MAD1L1: variants seen among roughly 807,000 people sequenced by gnomAD.
MAD1L1 encodes the protein mitotic spindle assembly checkpoint protein MAD1.
In MAD1L1, 95 loss-of-function variants were observed where a neutral mutation model predicts 96.9. The ratio of observed to expected loss-of-function variants is 0.98; its 90% CI spans 0.83 to 1.16. The LOEUF is 1.16. Among genes scored for constraint, MAD1L1 ranks in the 50% most tolerant of loss-of-function variants. The pLI is 0.00. For synonymous variants in MAD1L1, 473 were observed against 396.6 expected (o/e 1.19, Z -2.29); for missense variants, 1,007 against 954.4 (o/e 1.06, Z -0.73).
chr7:2,034,853 G>C (rs1023600648), intron 12 of MAD1L1, among the ~76,000 whole-genome samples: 1 of 152,322 alleles, frequency 6.6e-6, no homozygotes, highest in Admixed American at 6.5e-5. Context: ...TTTTTCAATG[G>C]CCTCTTTATA....
chr7:1,917,007 T>C (rs1037811698), intron 17 of MAD1L1, among the ~76,000 whole-genome samples: 2 of 147,812 alleles, frequency 1.4e-5, no homozygotes, highest in Non-Finnish European at 2.9e-5. Flanking sequence ...CATCACAGCA[T>C]CTTGTGACAG....
At chr7:2,044,255 C>A (rs1047938242) in intron 12 of MAD1L1, among the ~76,000 whole-genome samples, 2 of 152,214 alleles carry the variant, frequency 1.3e-5, no homozygotes, top group African/African-American at 4.8e-5. Flanking sequence ...TGTGAGGACA[C>A]GCTGGGACAA....
rs534497024 is a variant in MAD1L1 at position 2,141,541 on chromosome 7, G to A, written c.1073+7611C>T. Among the ~76,000 whole-genome samples the A allele has an allele frequency of 4.7e-3, 720 of 152,322 alleles. 11 individuals carry two copies. Among genetic ancestry groups the A allele is most frequent in the African/African-American group, 0.016 (682 of 41,570 alleles). On this transcript the variant is annotated intron_variant, in intron 11 of 18. Coordinates refer to ENST00000265854, the MANE Select transcript of MAD1L1 (RefSeq NM_001013836.2). Reference sequence around the variant, plus strand: ...ACTTCACTAGCCCTGATCAGGAAAGGACTGGAGGAACAAGAAGGCACCGCA... The same window carrying A: ...ACTTCACTAGCCCTGATCAGGAAAGAACTGGAGGAACAAGAAGGCACCGCA...
intron 18 of MAD1L1, among the ~76,000 whole-genome samples, chr7:1,875,620 CAA>C (rs1785346472): frequency 1.3e-5 from 2 of 152,312 alleles, no homozygotes; most frequent in Non-Finnish European, 2.9e-5. Flanking sequence ...AGGTTCCCAG[CAA>C]AAGAGAAGAC....
At chr7:1,935,042 G>A (rs557057789) in intron 17 of MAD1L1, among the ~76,000 whole-genome samples, 7 of 150,434 alleles carry the variant, frequency 4.7e-5, no homozygotes, top group South Asian at 2.1e-4. Context: ...AACCCGAGAC[G>A]GGCAGAGACC....
intron 17 of MAD1L1, among the ~76,000 whole-genome samples, chr7:1,928,066 T>A (rs987497203): frequency 1.3e-5 from 2 of 151,932 alleles, no homozygotes; most frequent in Non-Finnish European, 2.9e-5. Context: ...ATCACTTCTG[T>A]CTCCAGCACT....
intron 17 of MAD1L1, among the ~76,000 whole-genome samples, chr7:1,906,049 C>CAA (rs10570929): frequency 1.3e-3 from 123 of 91,368 alleles, no homozygotes; most frequent in East Asian, 4.9e-3. Flanking sequence ...GACTCCATCT[C>CAA]AAAAAAAAAA....
At chr7:2,162,235 C>T (rs551359534) in intron 10 of MAD1L1, among the ~76,000 whole-genome samples, 5 of 152,318 alleles carry the variant, frequency 3.3e-5, no homozygotes, top group Admixed American at 3.3e-4. Flanking sequence ...CCATTTTGTT[C>T]TGTACTAAGA....
intron 11 of MAD1L1, among the ~76,000 whole-genome samples, chr7:2,124,420 G>A (rs1282545064): frequency 1.3e-5 from 2 of 152,234 alleles, no homozygotes; most frequent in Non-Finnish European, 2.9e-5. Flanking sequence ...AGGACAGAGA[G>A]TAAGAAGACC....
chr7:2,166,344 C>T (rs1475479950), intron 10 of MAD1L1, among the ~76,000 whole-genome samples: 1 of 152,168 alleles, frequency 6.6e-6, no homozygotes, highest in Non-Finnish European at 1.5e-5. Context: ...TTGCTGCCCT[C>T]GCACTCTTTC....
chr7:2,202,295 A>C (rs767878295), intron 10 of MAD1L1, among the ~76,000 whole-genome samples: 1 of 152,206 alleles, frequency 6.6e-6, no homozygotes, highest in Non-Finnish European at 1.5e-5. Context: ...CCACAGGAGG[A>C]GCTGGGGTTG....
rs749337220 is a variant in MAD1L1, at chr7:2,219,447, C to T, written c.481G>A (p.Ala161Thr). ...SLAQAGETINALKGRISELQW... is the reference protein window; with the variant it reads ...SLAQAGETINTLKGRISELQW... ...AGTTCCGAGATCCTCCCCTTCAGTG[C>T]GTTGATGGTCTAAAAGTAGAGGGGA... is the stretch of plus-strand genomic sequence containing the variant. Residue 161 changes from alanine (A) to threonine (T), a missense_variant, in exon 6 of 19, where the codon GCA becomes ACA. Coordinates refer to ENST00000265854, the MANE Select transcript of MAD1L1 (RefSeq NM_001013836.2). 8.1e-6 allele frequency: 13 copies of T among 1,613,478 alleles called. No homozygotes were observed. The East Asian group carries it at 1.3e-4, about 17-fold the overall frequency.
intron 10 of MAD1L1, among the ~76,000 whole-genome samples, chr7:2,184,238 C>T (rs1408700911): frequency 2.6e-5 from 4 of 151,374 alleles, no homozygotes; most frequent in East Asian, 1.9e-4. Context: ...GGCAACAGAG[C>T]GAGACTCTGT....
intron 12 of MAD1L1, among the ~76,000 whole-genome samples, chr7:2,046,173 G>T (rs1202185856): frequency 6.6e-6 from 1 of 152,156 alleles, no homozygotes; most frequent in African/African-American, 2.4e-5. Flanking sequence ...GCCCCAGGTG[G>T]ACTGAAGCCC....
chr7:2,202,974 G>T (rs916220677), intron 10 of MAD1L1, among the ~76,000 whole-genome samples: 1 of 152,202 alleles, frequency 6.6e-6, no homozygotes, highest in South Asian at 2.1e-4. Context: ...CAGGGGATGG[G>T]TCAGCAGTTC....
intron 12 of MAD1L1, among the ~76,000 whole-genome samples, chr7:2,059,797 G>A (rs1255526308): frequency 2.6e-5 from 4 of 152,106 alleles, no homozygotes; most frequent in African/African-American, 9.7e-5. Flanking sequence ...GAGCAAGGTT[G>A]TCATGTGCAG....
intron 11 of MAD1L1, among the ~76,000 whole-genome samples, chr7:2,098,885 G>A (rs1786636606): frequency 6.6e-6 from 1 of 152,242 alleles, no homozygotes; most frequent in South Asian, 2.1e-4. Flanking sequence ...AAATAAAGGG[G>A]TCAGAAAAGA....
At chr7:2,202,262 G>A (rs749992) in intron 10 of MAD1L1, among the ~76,000 whole-genome samples, 2,147 of 152,380 alleles carry the variant, frequency 0.014, 56 homozygotes, top group African/African-American at 0.048. Context: ...ACAACCCCAA[G>A]GCAGAAAGCG....
At chr7:2,228,508 C>T (rs1176209924) in intron 3 of MAD1L1, among the ~76,000 whole-genome samples, 1 of 152,086 alleles carries the variant, frequency 6.6e-6, no homozygotes, top group Non-Finnish European at 1.5e-5. Flanking sequence ...CCACCTCAGC[C>T]TCCCAAAGTG....
Sources: gnomAD v4.1 joint callset for allele counts (sites outside exome capture counted in the v4.1 genomes callset) on GRCh38, gnomAD v4.1.1 for gene constraint, MANE v1.5 for transcripts, NCBI Gene and HGNC (gene_info 2026-07-23, HGNC 2026-07-21) for gene names.